Variants in STIMATE observed in about 807,000 individuals in gnomAD.
STIMATE encodes STIM activating enhancer, also known as store-operated calcium entry regulator STIMATE.
Under a neutral mutation model 36.7 loss-of-function variants are expected in STIMATE, and 15 were observed. The observed-to-expected ratio is 0.41, with a 90% confidence interval of 0.27 to 0.63. STIMATE has a LOEUF of 0.63. Ranked by LOEUF, STIMATE falls within the 20% of genes least tolerant of loss-of-function variation. The probability of loss-of-function intolerance (pLI) is 0.32; values close to 1 mark genes in which losing one functional copy is unlikely to be tolerated. For missense variants in STIMATE, 305 were observed against 397.3 expected (o/e 0.77, Z 1.98); for synonymous variants, 163 against 162.3 (o/e 1.00, Z -0.03).
chr3:52,871,150 C>T (rs1701398142), intron 1 of STIMATE, among the ~76,000 whole-genome samples: 2 of 152,148 alleles, frequency 1.3e-5, no homozygotes, highest in Admixed American at 6.5e-5. Context: ...ATGCTCAAAA[C>T]CAAGATATTT....
At chr3:52,897,230 G>A (rs775696560) in intron 1 of STIMATE, 61 bp downstream of exon 1, 14 of 1,511,362 alleles carry the variant, frequency 9.3e-6, no homozygotes, top group African/African-American at 1.4e-5. Context: ...GGGGCCCCCA[G>A]GGGGGCCGGG....
At chr3:52,895,903 G>T in intron 1 of STIMATE, 1 of 1,289,834 alleles carries the variant, frequency 7.8e-7, no homozygotes, top group South Asian at 1.2e-5. Context: ...CACACGTACA[G>T]TACATGCGCC....
chr3:52,883,776 G>C (rs1054513040), intron 1 of STIMATE, among the ~76,000 whole-genome samples: 2 of 151,946 alleles, frequency 1.3e-5, no homozygotes, highest in African/African-American at 4.8e-5. Flanking sequence ...AGTTCCATTT[G>C]CTTTGCTTTT....
chr3:52,844,292 G>A lies in STIMATE; in HGVS notation c.541-494C>T, dbSNP rs573231385. On this transcript the variant is annotated intron_variant, in intron 5 of 7. Transcript: ENST00000355083. Reference sequence around the variant, plus strand: ...AATAAAACCCAAAGGAGGCCAAGCTGAGCCACTTGTTCTCAAAGCTTCTGG... The same window carrying A: ...AATAAAACCCAAAGGAGGCCAAGCTAAGCCACTTGTTCTCAAAGCTTCTGG... 3.9e-5 allele frequency among the ~76,000 whole-genome samples: 6 copies of A among 152,362 alleles called. No individual in the cohort carries two copies. In the East Asian group the frequency reaches 1.2e-3, roughly 29 times the overall value.
At chr3:52,894,834 G>A (rs1219923050) in intron 1 of STIMATE, among the ~76,000 whole-genome samples, 2 of 152,214 alleles carry the variant, frequency 1.3e-5, no homozygotes, top group African/African-American at 4.8e-5. Flanking sequence ...TACTCAGAAG[G>A]GAAAAGACTG....
At chr3:52,855,898 G>A (rs991250540) in intron 1 of STIMATE, among the ~76,000 whole-genome samples, 1 of 152,216 alleles carries the variant, frequency 6.6e-6, no homozygotes, top group African/African-American at 2.4e-5. Flanking sequence ...GGCTAGACAC[G>A]TACATATCAC....
intron 1 of STIMATE, among the ~76,000 whole-genome samples, chr3:52,887,739 C>G (rs1217246432): frequency 2.0e-5 from 3 of 152,152 alleles, no homozygotes; most frequent in Admixed American, 2.0e-4. Context: ...ACCTCCGTGA[C>G]TGGGAGAATG....
In STIMATE at chr3:52,896,010, C is replaced by G. The variant is rs193022845; in HGVS notation, c.160+1281G>C. 4.8e-5 allele frequency: 59 copies of G among 1,226,780 alleles called. No individual in the cohort carries two copies. In the African/African-American group the frequency reaches 8.7e-4, roughly 18 times the overall value. 76.0% of individuals were successfully genotyped at this position (1,226,780 alleles called of 1,614,324 possible). Reference sequence around the variant, plus strand: ...AGAGAAAAAGCAAGGCAAGTTGGGACTAAAAAGGAAAGAAAAAGTGGCAAA... The same window carrying G: ...AGAGAAAAAGCAAGGCAAGTTGGGAGTAAAAAGGAAAGAAAAAGTGGCAAA... On this transcript the variant is annotated intron_variant, in intron 1 of 7. Coordinates refer to ENST00000355083, the MANE Select transcript of STIMATE (RefSeq NM_198563.5).
intron 1 of STIMATE, among the ~76,000 whole-genome samples, chr3:52,858,168 T>C (rs1701141713): frequency 6.6e-6 from 1 of 152,190 alleles, no homozygotes; most frequent in East Asian, 1.9e-4. Flanking sequence ...GATATTTGGT[T>C]ATGGCAGCCT....
chr3:52,849,128 G>A (rs2106662268), intron 4 of STIMATE, among the ~76,000 whole-genome samples: 1 of 152,268 alleles, frequency 6.6e-6, no homozygotes, highest in South Asian at 2.1e-4. Context: ...CCTCCCTCTT[G>A]TCCTCTGTGG....
chr3:52,840,648 G>A lies in STIMATE; in HGVS notation c.769-38C>T, dbSNP rs757960136. On this transcript the variant is annotated intron_variant, in intron 7 of 7. Transcript: ENST00000355083. ...AGAGGCAGGGCCTGAGTCACCCCCA[G>A]CAGGGCCTTCTTCATTTGCCCTCCC... 3.2e-6 allele frequency: 5 copies of A among 1,586,192 alleles called. No homozygotes were observed. The East Asian group carries it at 1.1e-4, about 36-fold the overall frequency.
chr3:52,858,353 G>T (rs188223238), intron 1 of STIMATE, among the ~76,000 whole-genome samples: 1 of 152,304 alleles, frequency 6.6e-6, no homozygotes, highest in East Asian at 1.9e-4. Context: ...AGGTCAACAT[G>T]GGCTGGGTGC....
intron 1 of STIMATE, among the ~76,000 whole-genome samples, chr3:52,859,764 T>G (rs1046360864): frequency 2.0e-5 from 3 of 151,738 alleles, no homozygotes; most frequent in Non-Finnish European, 1.5e-5. Flanking sequence ...TTGCTTTTAT[T>G]TCAGAATTTA....
At chr3:52,853,432 C>T (rs1315350162) in intron 2 of STIMATE, among the ~76,000 whole-genome samples, 1 of 152,244 alleles carries the variant, frequency 6.6e-6, no homozygotes, top group African/African-American at 2.4e-5. Flanking sequence ...TCAGTATGTC[C>T]TCCACCACCA....
At chr3:52,840,951 C>G (rs916906190) in intron 7 of STIMATE, among the ~76,000 whole-genome samples, 3 of 152,188 alleles carry the variant, frequency 2.0e-5, no homozygotes, top group Non-Finnish European at 2.9e-5. Context: ...AGTAATCCAC[C>G]TGCTTCGGAC....
At chr3:52,863,867 T>C (rs191535241) in intron 1 of STIMATE, among the ~76,000 whole-genome samples, 11 of 152,358 alleles carry the variant, frequency 7.2e-5, no homozygotes, top group South Asian at 4.1e-4. Flanking sequence ...ATGATCTCCT[T>C]TGATTCTAGG....
rs555841330 is a variant in STIMATE, at chr3:52,872,718, C to T, written c.161-17274G>A. Reference sequence around the variant, plus strand: ...TCGGCTCATTGCAACCTCCGCCTCCCGGGTTCAAGTGATTCTCCTACCTCA... The same window carrying T: ...TCGGCTCATTGCAACCTCCGCCTCCTGGGTTCAAGTGATTCTCCTACCTCA... On this transcript the variant is annotated intron_variant, in intron 1 of 7. Coordinates refer to ENST00000355083, the MANE Select transcript of STIMATE (RefSeq NM_198563.5). Among the ~76,000 whole-genome samples the T allele has an allele frequency of 1.1e-3, 161 of 152,302 alleles. 1 individual carries two copies. In the Middle Eastern group the frequency reaches 0.02, roughly 19 times the overall value.
In STIMATE at chr3:52,837,460, G is replaced by C. The variant is rs1384786146; in HGVS notation, c.*3034C>G. 3 of 152,188 alleles carry C rather than the reference G, an allele frequency of 2.0e-5. No individual in the cohort carries two copies. Among genetic ancestry groups the C allele is most frequent in the African/African-American group, 7.2e-5 (3 of 41,432 alleles). The allele number at this position is 152,188 out of a possible 1,614,324, so 9.4% of individuals were successfully genotyped here. ...AAGGAGGCCACCAGCACGGCTGAGG[G>C]GCCACAGACCCTCCTCTTGCATGTG... is the stretch of plus-strand genomic sequence containing the variant. On this transcript the variant is annotated 3_prime_UTR_variant, in exon 8 of 8. Transcript: ENST00000355083.
At chr3:52,860,734 G>A (rs767825787) in intron 1 of STIMATE, among the ~76,000 whole-genome samples, 28 of 152,210 alleles carry the variant, frequency 1.8e-4, no homozygotes, top group Non-Finnish European at 3.5e-4. Flanking sequence ...GTCAGATTCC[G>A]GTTGGGTCTT....
Sources: allele counts gnomAD v4.1 joint callset (sites outside exome capture counted in the v4.1 genomes callset), GRCh38; gene constraint gnomAD v4.1.1; transcripts MANE v1.5; gene names NCBI Gene and HGNC (gene_info 2026-07-23, HGNC 2026-07-21).